ASTN2: variants seen among roughly 807,000 people sequenced by gnomAD.
ASTN2 encodes the protein astrotactin-2.
In ASTN2, 54 loss-of-function variants were observed where a neutral mutation model predicts 139.8. That is an observed-to-expected ratio of 0.39 (90% CI 0.31 to 0.48). The LOEUF is 0.48. ASTN2 is among the 20% of genes least tolerant of loss of function. The pLI, the probability that ASTN2 is intolerant of heterozygous loss-of-function variation, is 0.95. For synonymous variants in ASTN2, 756 were observed against 719.5 expected (o/e 1.05, Z -0.81); for missense variants, 1,565 against 1,725.1 (o/e 0.91, Z 1.64).
At chr9:116,913,179 C>T (rs967375272) in intron 10 of ASTN2, among the ~76,000 whole-genome samples, 2 of 152,230 alleles carry the variant, frequency 1.3e-5, no homozygotes, top group African/African-American at 2.4e-5. Context: ...GCTGGAACTA[C>T]AGGCATGAGC....
In ASTN2 at chr9:116,540,252, C is replaced by T. The variant is rs962090106; in HGVS notation, c.3356-52752G>A. 5.3e-5 allele frequency among the ~76,000 whole-genome samples: 8 copies of T among 152,148 alleles called. No individual in the cohort carries two copies. The East Asian group carries it at 1.5e-3, about 29-fold the overall frequency. On this transcript the variant is annotated intron_variant, in intron 19 of 22. Coordinates refer to ENST00000313400, the MANE Select transcript of ASTN2 (RefSeq NM_001365068.1). The stretch of plus-strand genomic sequence containing the variant: ...TATTCATGTCTGGTGGGAAATTTAT[C>T]ATTTATTATTAGATCCTGCATCAGA...
At chr9:116,707,474 C>T (rs1828022283) in intron 16 of ASTN2, among the ~76,000 whole-genome samples, 1 of 151,954 alleles carries the variant, frequency 6.6e-6, no homozygotes, top group South Asian at 2.1e-4. Context: ...GAGGAAGAAT[C>T]TTACACATAT....
chr9:117,164,868 T>A (rs1324640334), intron 3 of ASTN2, among the ~76,000 whole-genome samples: 2 of 152,142 alleles, frequency 1.3e-5, no homozygotes, highest in East Asian at 3.9e-4. Flanking sequence ...GCCCTCTCCA[T>A]GTGGGCACTG....
intron 17 of ASTN2, among the ~76,000 whole-genome samples, chr9:116,624,573 C>G (rs1316413177): frequency 6.6e-6 from 1 of 151,794 alleles, no homozygotes; most frequent in Non-Finnish European, 1.5e-5. Flanking sequence ...GGTAAACACC[C>G]TCTACTTAAG....
At chr9:116,916,865 A>G (rs1018880536) in intron 10 of ASTN2, among the ~76,000 whole-genome samples, 8 of 152,132 alleles carry the variant, frequency 5.3e-5, no homozygotes, top group African/African-American at 1.9e-4. Flanking sequence ...AACAAAACCA[A>G]TATGAATGTA....
At chr9:116,826,013 G>A (rs1831613119) in intron 11 of ASTN2, among the ~76,000 whole-genome samples, 1 of 152,196 alleles carries the variant, frequency 6.6e-6, no homozygotes, top group Non-Finnish European at 1.5e-5. Flanking sequence ...TTGAGACTGA[G>A]ACATGGATAG....
intron 5 of ASTN2, among the ~76,000 whole-genome samples, chr9:117,054,714 C>T (rs1228803638): frequency 1.3e-5 from 2 of 152,094 alleles, no homozygotes; most frequent in Non-Finnish European, 2.9e-5. Flanking sequence ...GCAGTGTGGG[C>T]AGAAGAAGCC....
At chr9:117,213,332 T>A (rs1468160197) in intron 3 of ASTN2, among the ~76,000 whole-genome samples, 1 of 152,066 alleles carries the variant, frequency 6.6e-6, no homozygotes. Flanking sequence ...TAGGGAGAAA[T>A]TTATTAAAGG....
At chr9:116,569,020 T>C (rs1457679031) in intron 19 of ASTN2, 2 of 152,016 alleles carry the variant, frequency 1.3e-5, no homozygotes, top group Non-Finnish European at 2.9e-5. Context: ...GAACAGTAGG[T>C]AGGGAAGCAG....
At chr9:117,120,025 T>TATATATATA (rs1829513024) in intron 4 of ASTN2, among the ~76,000 whole-genome samples, 1 of 79,490 alleles carries the variant, frequency 1.3e-5, no homozygotes. Flanking sequence ...TGTGTATATA[T>TATATATATA]ATATATATAT....
intron 7 of ASTN2, among the ~76,000 whole-genome samples, chr9:116,982,540 G>A (rs1836540136): frequency 7.9e-6 from 1 of 127,294 alleles, no homozygotes; most frequent in Non-Finnish European, 1.8e-5. Flanking sequence ...TTCTTTATCT[G>A]TAATTTGGGA....
At chr9:117,036,117 A>T (rs1043362427) in intron 6 of ASTN2, among the ~76,000 whole-genome samples, 1 of 152,194 alleles carries the variant, frequency 6.6e-6, no homozygotes, top group Admixed American at 6.5e-5. Flanking sequence ...ATAGGTGAGA[A>T]AAATGAGACT....
At position 117,170,287 on chromosome 9, in the gene ASTN2, T is replaced by C. The variant is rs556456399; in HGVS notation, c.1016-28809A>G. Among the ~76,000 whole-genome samples, 21 of 152,218 alleles carry C rather than the reference T, an allele frequency of 1.4e-4. No individual in the cohort carries two copies. The East Asian group carries it at 3.3e-3, about 24-fold the overall frequency. Reference sequence around the variant, plus strand: ...CCAAATACAATGTGCTTGTATATCATTGACATCCTCTGTTTCCCATTGTGT... The same window carrying C: ...CCAAATACAATGTGCTTGTATATCACTGACATCCTCTGTTTCCCATTGTGT... On this transcript the variant is annotated intron_variant, in intron 3 of 22. Coordinates refer to ENST00000313400, the MANE Select transcript of ASTN2 (RefSeq NM_001365068.1).
intron 3 of ASTN2, among the ~76,000 whole-genome samples, chr9:117,193,908 A>G (rs1420900600): frequency 2.0e-5 from 3 of 152,168 alleles, no homozygotes; most frequent in African/African-American, 7.2e-5. Context: ...CTCAGAACAG[A>G]GTATGGCTTA....
intron 2 of ASTN2, among the ~76,000 whole-genome samples, chr9:117,258,366 C>A (rs2133103792): frequency 6.6e-6 from 1 of 152,284 alleles, no homozygotes; most frequent in Non-Finnish European, 1.5e-5. Context: ...TGTTACCACG[C>A]AGCTCAGCCT....
intron 16 of ASTN2, among the ~76,000 whole-genome samples, chr9:116,665,659 G>T (rs1201074221): frequency 6.6e-6 from 1 of 152,084 alleles, no homozygotes; most frequent in Non-Finnish European, 1.5e-5. Context: ...ATGTTTTGTT[G>T]TAACAAAAAA....
intron 10 of ASTN2, among the ~76,000 whole-genome samples, chr9:116,951,209 C>T (rs993425143): frequency 5.3e-5 from 8 of 151,858 alleles, no homozygotes; most frequent in East Asian, 3.9e-4. Context: ...TGGTGGCGCA[C>T]GCCTGTAATC....
At position 117,025,009 on chromosome 9, in the gene ASTN2, C is replaced by T. The variant is rs374998777; in HGVS notation, c.1423+14810G>A. Among the ~76,000 whole-genome samples, 4 of 152,242 alleles carry T rather than the reference C, an allele frequency of 2.6e-5. No homozygotes were observed. The South Asian group carries it at 8.3e-4, about 32-fold the overall frequency. On this transcript the variant is annotated intron_variant, in intron 6 of 22. Coordinates refer to ENST00000313400, the MANE Select transcript of ASTN2 (RefSeq NM_001365068.1). ...GTGACTTGCTCCTCCTTGCCTTCTG[C>T]CATGATTGTGAGGCCTCCCCAGCCA...
At chr9:117,072,184 C>T (rs997424422) in intron 5 of ASTN2, among the ~76,000 whole-genome samples, 26 of 152,194 alleles carry the variant, frequency 1.7e-4, no homozygotes, top group Non-Finnish European at 3.1e-4. Context: ...ACCCCCTAGT[C>T]CGTTTGCTGA....
Sources: gnomAD v4.1 joint callset for allele counts (sites outside exome capture counted in the v4.1 genomes callset) on GRCh38, gnomAD v4.1.1 for gene constraint, MANE v1.5 for transcripts, NCBI Gene and HGNC (gene_info 2026-07-23, HGNC 2026-07-21) for gene names.